Variants in KDM3B observed in about 807,000 individuals in gnomAD.
The protein encoded by KDM3B is lysine demethylase 3B.
A neutral mutation model predicts 170.0 loss-of-function variants in KDM3B; 10 were observed. That is an observed-to-expected ratio of 0.06 (90% confidence interval 0.04 to 0.10). The LOEUF (loss-of-function observed/expected upper bound fraction) is 0.10, where lower values mean the gene tolerates loss of function less well. Among genes scored for constraint, KDM3B ranks in the 10% least tolerant of loss-of-function variants. The pLI, the probability that KDM3B is intolerant of heterozygous loss-of-function variation, is 1.00. For missense variants in KDM3B, 1,394 were observed against 2,195.2 expected, an observed-to-expected ratio of 0.64 and a Z score of 7.29; for synonymous variants, 831 against 834.8, an observed-to-expected ratio of 1.00 and a Z score of 0.08.
At chr5:138,422,077 A>C (rs1231719854) in intron 15 of KDM3B, among the ~76,000 whole-genome samples, 2 of 151,982 alleles carry the variant, frequency 1.3e-5, no homozygotes, top group Non-Finnish European at 2.9e-5. Context: ...CCCTCACCTA[A>C]ACCTTCAGTA....
Position 138,375,225 on chromosome 5 carries a change from A to G in KDM3B, c.474+19A>G. 4.7e-6 allele frequency: 7 copies of G among 1,496,556 alleles called. No individual in the cohort carries two copies. Among genetic ancestry groups the G allele is most frequent in the Non-Finnish European group, 6.5e-6 (7 of 1,075,250 alleles). 92.7% of individuals were successfully genotyped at this position (1,496,556 alleles called of 1,614,324 possible). ...GTTTCAGGTATTTAACACTTGCTTT[A>G]GTCTTGAGCCTATTATTTTTTTCGC... On this transcript the variant is annotated intron_variant, in intron 3 of 23. Transcript: ENST00000314358.
intron 15 of KDM3B, among the ~76,000 whole-genome samples, chr5:138,422,407 C>T (rs948541326): frequency 6.6e-5 from 10 of 152,126 alleles, no homozygotes; most frequent in Non-Finnish European, 1.5e-4. Flanking sequence ...GAGGCTGAGG[C>T]GGACAGATCA....
intron 1 of KDM3B, among the ~76,000 whole-genome samples, chr5:138,362,455 AT>A (rs992787320): frequency 6.7e-6 from 1 of 149,862 alleles, no homozygotes; most frequent in Admixed American, 6.7e-5. Flanking sequence ...GGGCCCATTG[AT>A]TTTTTTTTCC....
rs747773391 is a variant in KDM3B, at chr5:138,419,163, G to C, written c.3646G>C (p.Ala1216Pro). 1 of 1,614,160 alleles carries C rather than the reference G, an allele frequency of 6.2e-7. No homozygotes were observed. Among genetic ancestry groups the C allele is most frequent in the East Asian group, 2.2e-5 (1 of 44,888 alleles). ...KAIRPPCPDT[A>P]PPSSALHWLA... Reference sequence around the variant, plus strand: ...CATCAGGCCTCCTTGCCCTGACACGGCCCCACCCTCCTCCGCCCTGCACTG... The same window carrying C: ...CATCAGGCCTCCTTGCCCTGACACGCCCCCACCCTCCTCCGCCCTGCACTG... The change falls in exon 14 of 24, where the codon GCC (alanine) becomes CCC (proline). Residue 1216 changes from alanine (A) to proline (P), a missense_variant. By Grantham distance (27) the Ala-to-Pro change is conservative (BLOSUM62 -1). Coordinates refer to ENST00000314358, the MANE Select transcript of KDM3B (RefSeq NM_016604.4).
chr5:138,421,036 A>T, intron 15 of KDM3B, 74 bp downstream of exon 15: 1 of 1,543,340 alleles, frequency 6.5e-7, no homozygotes, highest in Non-Finnish European at 8.9e-7. Flanking sequence ...TAATTGGGTT[A>T]GAGGGTACAT....
chr5:138,377,888 T>TC, intron 4 of KDM3B, 63 bp downstream of exon 4: 6 of 1,211,350 alleles, frequency 5.0e-6, no homozygotes, highest in Non-Finnish European at 7.3e-6. Flanking sequence ...TGTTGAGTGA[T>TC]AGTATGGAAT....
At chr5:138,421,364 T>A (rs1247764588) in intron 15 of KDM3B, among the ~76,000 whole-genome samples, 2 of 152,220 alleles carry the variant, frequency 1.3e-5, no homozygotes, top group East Asian at 3.8e-4. Flanking sequence ...TCTCCTTAGT[T>A]TTCCCCTACT....
Position 138,435,928 on chromosome 5 carries a change from A to G in KDM3B, c.*228A>G, listed in dbSNP as rs377747445. 1.2e-4 allele frequency: 64 copies of G among 532,444 alleles called. 1 individual carries two copies. The highest frequency in any genetic ancestry group is 1.0e-3 in the South Asian group (46 of 44,410). 33.0% of individuals were successfully genotyped at this position (532,444 alleles called of 1,614,324 possible). A position where few individuals can be genotyped will look rare whatever the true frequency, so the allele number is the denominator to read the frequency against. ...TTTGAGACTCCAAGCCAAGAGTGCC[A>G]CATCCCTATCCTGTGGCCTTTTGGA... On this transcript the variant is annotated 3_prime_UTR_variant, in exon 24 of 24. Transcript: ENST00000314358.
intron 11 of KDM3B, 59 bp from the exon 12 acceptor site, chr5:138,415,073 A>T: frequency 8.3e-7 from 1 of 1,197,842 alleles, no homozygotes; most frequent in South Asian, 1.4e-5. Context: ...AACTCCATTC[A>T]CTGAGAAGGA....
rs901705650 is a variant in KDM3B at position 138,429,707 on chromosome 5, T to G, written c.4754-119T>G. ...CCAGTATCAATTTTCTGATTCTGCC[T>G]TACATTATTCCAGAGATGGAGAAGA... On this transcript the variant is annotated intron_variant, in intron 20 of 23. Coordinates refer to ENST00000314358, the MANE Select transcript of KDM3B (RefSeq NM_016604.4). 4.5e-6 allele frequency: 5 copies of G among 1,118,414 alleles called. No homozygotes were observed. In the Admixed American group the frequency reaches 6.8e-5, roughly 15 times the overall value. 69.3% of individuals were successfully genotyped at this position (1,118,414 alleles called of 1,614,324 possible).
Position 138,372,908 on chromosome 5 carries a change from A to C in KDM3B, c.360+67A>C, listed in dbSNP as rs1761908284. 31 of 1,416,904 alleles carry C rather than the reference A, an allele frequency of 2.2e-5. No individual in the cohort carries two copies. The South Asian group carries it at 3.9e-4, about 18-fold the overall frequency. 87.8% of individuals were successfully genotyped at this position (1,416,904 alleles called of 1,614,324 possible). ...TCCTATAATATAACTATGACATGTT[A>C]GGGACAGAGTATGTGTAAGAACTAC... On this transcript the variant is annotated intron_variant, in intron 2 of 23. Transcript: ENST00000314358.
chr5:138,410,222 C>T (rs745935921), intron 11 of KDM3B, among the ~76,000 whole-genome samples: 8 of 152,138 alleles, frequency 5.3e-5, no homozygotes, highest in South Asian at 2.1e-4. Flanking sequence ...ATTGACAAGG[C>T]GGTTCTGAAA....
intron 15 of KDM3B, among the ~76,000 whole-genome samples, chr5:138,423,361 T>G (rs1763320832): frequency 6.6e-6 from 1 of 152,226 alleles, no homozygotes. Context: ...GTTACATAAT[T>G]ATACATACTT....
Position 138,359,224 on chromosome 5 carries a change from C to CT in KDM3B, c.192+6237_192+6238insT, listed in dbSNP as rs1561753948. Among the ~76,000 whole-genome samples, 5 of 151,310 alleles carry CT rather than the reference C, an allele frequency of 3.3e-5. No individual in the cohort carries two copies. In the East Asian group the frequency reaches 9.7e-4, roughly 29 times the overall value. On this transcript the variant is annotated intron_variant, in intron 1 of 23. Coordinates refer to ENST00000314358, the MANE Select transcript of KDM3B (RefSeq NM_016604.4). ...TCAGCCAGGCTGGAGTGCAGTGGTG[C>CT]GGTCTTGGCTCACTGCAACCTCCAC...
intron 15 of KDM3B, among the ~76,000 whole-genome samples, chr5:138,421,717 G>A (rs1345110383): frequency 1.3e-5 from 2 of 152,044 alleles, no homozygotes; most frequent in African/African-American, 4.8e-5. Flanking sequence ...TAAAAGAAAA[G>A]GAGAAAAATA....
At chr5:138,358,107 C>T (rs1226102697) in intron 1 of KDM3B, among the ~76,000 whole-genome samples, 2 of 151,932 alleles carry the variant, frequency 1.3e-5, no homozygotes, top group African/African-American at 2.4e-5. Context: ...AAGCGATTCT[C>T]CTGCCTCAGC....
At chr5:138,363,203 C>A (rs1029192338) in intron 1 of KDM3B, among the ~76,000 whole-genome samples, 1 of 151,928 alleles carries the variant, frequency 6.6e-6, no homozygotes, top group Non-Finnish European at 1.5e-5. Flanking sequence ...TGTTTTTTCT[C>A]TTCTATTCCC....
intron 14 of KDM3B, among the ~76,000 whole-genome samples, chr5:138,419,752 C>T (rs1233664176): frequency 6.7e-6 from 1 of 148,518 alleles, no homozygotes; most frequent in Non-Finnish European, 1.5e-5. Context: ...CACACACACA[C>T]ACACACACAC....
Position 138,427,183 on chromosome 5 carries a change from T to G in KDM3B, c.4503-6T>G. 6.2e-7 allele frequency: 1 copy of G among 1,610,634 alleles called. No homozygotes were observed. The highest frequency in any genetic ancestry group is 8.5e-7 in the Non-Finnish European group (1 of 1,176,936). Reference sequence around the variant, plus strand: ...AAGCTAAGTCATCTTTCCTGCACTTTTATAGGTTTGAAGATCTGATGGAGA... The same window carrying G: ...AAGCTAAGTCATCTTTCCTGCACTTGTATAGGTTTGAAGATCTGATGGAGA... On this transcript the variant is annotated splice_polypyrimidine_tract_variant and splice_region_variant and intron_variant, in intron 18 of 23. Coordinates refer to ENST00000314358, the MANE Select transcript of KDM3B (RefSeq NM_016604.4).
Sources: allele counts gnomAD v4.1 joint callset (sites outside exome capture counted in the v4.1 genomes callset), GRCh38; gene constraint gnomAD v4.1.1; transcripts MANE v1.5; gene names NCBI Gene and HGNC (gene_info 2026-07-23, HGNC 2026-07-21).